CSMD1: variants seen among roughly 807,000 people sequenced by gnomAD.
CSMD1 encodes the protein CUB and sushi domain-containing protein 1.
CSMD1 carries 213 observed loss-of-function variants against 417.5 expected under a neutral mutation model. The ratio of observed to expected loss-of-function variants is 0.51; its 90% CI spans 0.46 to 0.57. The LOEUF is 0.57. CSMD1 is among the 20% of genes least tolerant of loss of function. The pLI, the probability that CSMD1 is intolerant of heterozygous loss-of-function variation, is 0.00. For missense variants in CSMD1, 6,923 were observed against 4,529.7 expected, an observed-to-expected ratio of 1.53 and a Z score of -15.17; for synonymous variants, 2,862 against 1,736.8, an observed-to-expected ratio of 1.65 and a Z score of -16.11.
chr8:3,687,594 G>A (rs912802164), intron 7 of CSMD1, among the ~76,000 whole-genome samples: 6 of 152,234 alleles, frequency 3.9e-5, no homozygotes, highest in Admixed American at 2.0e-4. Flanking sequence ...GCTCTTGTAG[G>A]GATCTCTTTG....
intron 5 of CSMD1, among the ~76,000 whole-genome samples, chr8:3,930,071 C>T (rs907858409): frequency 6.7e-6 from 1 of 150,248 alleles, no homozygotes; most frequent in Non-Finnish European, 1.5e-5. Flanking sequence ...GTTACCTAGG[C>T]ATGTTTTTCT....
At chr8:4,094,911 G>A (rs555238881) in intron 3 of CSMD1, among the ~76,000 whole-genome samples, 1 of 152,302 alleles carries the variant, frequency 6.6e-6, no homozygotes, top group East Asian at 1.9e-4. Context: ...ATACTGGAGA[G>A]ACATGGGGAA....
chr8:3,671,446 C>G (rs1394304167), intron 7 of CSMD1, among the ~76,000 whole-genome samples: 1 of 141,916 alleles, frequency 7.0e-6, no homozygotes, highest in African/African-American at 2.6e-5. Context: ...CACATATAAT[C>G]ATATATATAA....
At chr8:3,124,972 G>C (rs969589923) in intron 41 of CSMD1, among the ~76,000 whole-genome samples, 14 of 152,074 alleles carry the variant, frequency 9.2e-5, no homozygotes, top group Admixed American at 5.2e-4. Flanking sequence ...TTTGGTCTTT[G>C]TTCCAAATGT....
chr8:3,729,092 G>A (rs1034107799), intron 6 of CSMD1, among the ~76,000 whole-genome samples: 3 of 152,196 alleles, frequency 2.0e-5, no homozygotes, highest in African/African-American at 7.2e-5. Context: ...ATGTCAGCCA[G>A]GGAAGTAAAG....
chr8:3,047,115 G>A (rs1039686548), intron 50 of CSMD1, among the ~76,000 whole-genome samples: 1 of 150,112 alleles, frequency 6.7e-6, no homozygotes, highest in Non-Finnish European at 1.5e-5. Flanking sequence ...GACTGAGGCA[G>A]GAGAATCACT....
chr8:4,412,897 A>G (rs1429075186), intron 3 of CSMD1, among the ~76,000 whole-genome samples: 1 of 152,212 alleles, frequency 6.6e-6, no homozygotes, highest in Non-Finnish European at 1.5e-5. Context: ...AAGACATAAG[A>G]TAACTGACAA....
At chr8:4,413,039 A>G (rs1796734017) in intron 3 of CSMD1, among the ~76,000 whole-genome samples, 1 of 152,208 alleles carries the variant, frequency 6.6e-6, no homozygotes, top group South Asian at 2.1e-4. Flanking sequence ...TTCTTTCCAG[A>G]AAAATAGACT....
intron 10 of CSMD1, among the ~76,000 whole-genome samples, chr8:3,570,461 A>G (rs916483352): frequency 2.3e-4 from 35 of 152,190 alleles, no homozygotes; most frequent in Admixed American, 2.6e-4. Flanking sequence ...CTCTAGCCAA[A>G]CATGCCTCAT....
chr8:3,672,198 T>C (rs544159385), intron 7 of CSMD1, among the ~76,000 whole-genome samples: 3 of 152,294 alleles, frequency 2.0e-5, no homozygotes, highest in South Asian at 2.1e-4. Context: ...TTTGATGAAA[T>C]TGACTGAGTA....
chr8:2,979,557 A>C (rs570983560), intron 54 of CSMD1, among the ~76,000 whole-genome samples: 1 of 152,384 alleles, frequency 6.6e-6, no homozygotes. Flanking sequence ...CAGCTGTTCC[A>C]GAGGCCACAG....
intron 37 of CSMD1, among the ~76,000 whole-genome samples, chr8:3,170,490 G>A (rs1006071245): frequency 1.3e-5 from 2 of 152,212 alleles, no homozygotes; most frequent in East Asian, 3.9e-4. Context: ...TTACAGGCGT[G>A]AGCCACCGTG....
At chr8:3,824,087 G>A (rs555178597) in intron 5 of CSMD1, among the ~76,000 whole-genome samples, 2 of 152,206 alleles carry the variant, frequency 1.3e-5, no homozygotes, top group South Asian at 4.1e-4. Flanking sequence ...AAACAAAAAT[G>A]TCACAGTGAA....
intron 1 of CSMD1, chr8:4,788,056 T>A (rs944530936): frequency 6.3e-7 from 1 of 1,594,088 alleles, no homozygotes; most frequent in Non-Finnish European, 8.6e-7. Flanking sequence ...AAGAAAAACT[T>A]TGAGTGGGTT....
At chr8:3,561,959 G>A (rs1295346272) in intron 10 of CSMD1, among the ~76,000 whole-genome samples, 1 of 152,188 alleles carries the variant, frequency 6.6e-6, no homozygotes, top group East Asian at 1.9e-4. Context: ...GCGTGTGCCT[G>A]TGTGCACTGC....
intron 12 of CSMD1, among the ~76,000 whole-genome samples, chr8:3,457,518 C>T (rs1299602757): frequency 1.3e-5 from 2 of 152,184 alleles, no homozygotes. Flanking sequence ...ATCAAAACCG[C>T]ATGCCACGCC....
intron 1 of CSMD1, among the ~76,000 whole-genome samples, chr8:4,855,643 C>G (rs1265585918): frequency 6.6e-6 from 1 of 152,104 alleles, no homozygotes; most frequent in African/African-American, 2.4e-5. Flanking sequence ...CCAATGCAAT[C>G]AACTGGAAGA....
intron 3 of CSMD1, among the ~76,000 whole-genome samples, chr8:4,303,252 C>T (rs13268722): frequency 0.74 from 112,081 of 151,930 alleles, 41,537 homozygotes; most frequent in East Asian, 0.85. Flanking sequence ...TCTCTACTCT[C>T]ATGAAATATA....
At chr8:4,158,317 G>A (rs114235480) in intron 3 of CSMD1, among the ~76,000 whole-genome samples, 2,189 of 152,018 alleles carry the variant, frequency 0.014, 54 homozygotes, top group African/African-American at 0.049. Flanking sequence ...GAGGAAGGAT[G>A]CAATCATCTC....
Sources: allele counts gnomAD v4.1 joint callset (sites outside exome capture counted in the v4.1 genomes callset), GRCh38; gene constraint gnomAD v4.1.1; transcripts MANE v1.5; gene names NCBI Gene and HGNC (gene_info 2026-07-23, HGNC 2026-07-21).